The following NEK10 variants were observed in gnomAD, a reference collection of about 807,000 sequenced individuals.
NEK10 encodes serine/threonine-protein kinase Nek10.
A neutral mutation model predicts 159.8 loss-of-function variants in NEK10; 122 were observed. The ratio of observed to expected loss-of-function variants is 0.76; its 90% CI spans 0.66 to 0.89. The LOEUF is 0.89. Among genes scored for constraint, NEK10 ranks in the 40% least tolerant of loss-of-function variants. The pLI is 0.00. For synonymous variants in NEK10, 466 were observed against 457.1 expected (o/e 1.02, Z -0.25); for missense variants, 1,342 against 1,323.1 (o/e 1.01, Z -0.22).
chr3:27,359,087 A>T (rs1409699968), intron 1 of NEK10, among the ~76,000 whole-genome samples: 1 of 151,952 alleles, frequency 6.6e-6, no homozygotes, highest in Non-Finnish European at 1.5e-5. Flanking sequence ...CTGTAGTCCC[A>T]GTTACTCAGG....
At chr3:27,246,180 T>C (rs1187083717) in intron 23 of NEK10, among the ~76,000 whole-genome samples, 1 of 152,150 alleles carries the variant, frequency 6.6e-6, no homozygotes, top group Non-Finnish European at 1.5e-5. Flanking sequence ...GACTGAAAAA[T>C]GCATAATGTA....
intron 5 of NEK10, among the ~76,000 whole-genome samples, chr3:27,324,942 C>T (rs1262875735): frequency 6.6e-6 from 1 of 152,198 alleles, no homozygotes; most frequent in Non-Finnish European, 1.5e-5. Flanking sequence ...AGGTCCAGTG[C>T]CTAAGGTGCT....
intron 22 of NEK10, among the ~76,000 whole-genome samples, chr3:27,272,994 C>T (rs573412677): frequency 2.0e-5 from 3 of 152,168 alleles, no homozygotes; most frequent in Admixed American, 1.3e-4. Flanking sequence ...AGGAAAACAG[C>T]TGATTGGGAA....
chr3:27,346,267 TAAAG>T (rs2047549286), intron 3 of NEK10, 51 bp from the exon 4 acceptor site: 1 of 1,592,306 alleles, frequency 6.3e-7, no homozygotes, highest in East Asian at 2.2e-5. Flanking sequence ...CAGCACGGGA[TAAAG>T]AAAGTAACAA....
At chr3:27,244,922 G>C (rs980661743) in intron 23 of NEK10, among the ~76,000 whole-genome samples, 1 of 152,096 alleles carries the variant, frequency 6.6e-6, no homozygotes, top group African/African-American at 2.4e-5. Context: ...GGACCATCTA[G>C]CCAACTTTTC....
At chr3:27,197,427 C>T (rs1949656528) in intron 25 of NEK10, among the ~76,000 whole-genome samples, 1 of 152,138 alleles carries the variant, frequency 6.6e-6, no homozygotes. Flanking sequence ...CTGCCTGCCT[C>T]AGCCTCCCAA....
intron 23 of NEK10, among the ~76,000 whole-genome samples, chr3:27,229,431 A>G (rs2120891): frequency 0.23 from 35,329 of 152,096 alleles, 4,473 homozygotes; most frequent in Middle Eastern, 0.38. Flanking sequence ...AAGGAACCAG[A>G]AAAGTAATTC....
chr3:27,135,189 T>G (rs1943061322), intron 31 of NEK10, among the ~76,000 whole-genome samples: 1 of 152,106 alleles, frequency 6.6e-6, no homozygotes, highest in African/African-American at 2.4e-5. Context: ...GAGGCAAAGG[T>G]GGGAGGACCG....
intron 26 of NEK10, among the ~76,000 whole-genome samples, chr3:27,175,068 T>C (rs1253000144): frequency 2.0e-5 from 3 of 151,970 alleles, no homozygotes; most frequent in South Asian, 2.1e-4. Context: ...GTGGCAAGAG[T>C]GTTCAGTAGA....
intron 23 of NEK10, among the ~76,000 whole-genome samples, chr3:27,227,936 A>G (rs930861072): frequency 3.9e-5 from 6 of 152,222 alleles, no homozygotes; most frequent in Admixed American, 3.9e-4. Flanking sequence ...TCCAAGTTAA[A>G]GCAGATCTTG....
intron 22 of NEK10, among the ~76,000 whole-genome samples, chr3:27,257,788 CTTTTTTT>C (rs79727702): frequency 3.8e-5 from 5 of 130,536 alleles, no homozygotes; most frequent in African/African-American, 5.9e-5. Flanking sequence ...TTTCTTTTTT[CTTTTTTT>C]TTTTTTTTTT....
chr3:27,292,554 C>T (rs945104307), intron 16 of NEK10, among the ~76,000 whole-genome samples: 1 of 152,078 alleles, frequency 6.6e-6, no homozygotes, highest in Non-Finnish European at 1.5e-5. Flanking sequence ...GAATAAGTAG[C>T]TGGGTGTGGT....
rs1364515902 is a variant in NEK10 at position 27,110,297 on chromosome 3, T to C, written c.*975A>G. On this transcript the variant is annotated 3_prime_UTR_variant, in exon 36 of 36. Coordinates refer to ENST00000691995, the MANE Select transcript of NEK10 (RefSeq NM_001394966.1). ...ATAATTCTCCCGGCATAAAGGATGA[T>C]ACACAGTTTGGCATTCTGATTTCAC... 1 of 152,168 alleles carries C rather than the reference T, an allele frequency of 6.6e-6. No homozygotes were observed. Among genetic ancestry groups the C allele is most frequent in the Non-Finnish European group, 1.5e-5 (1 of 68,028 alleles). 9.4% of individuals were successfully genotyped at this position (152,168 alleles called of 1,614,324 possible).
rs1052991938 is a variant in NEK10, at chr3:27,208,564, C to G, written c.2091-6007G>C. 2.6e-5 allele frequency among the ~76,000 whole-genome samples: 4 copies of G among 152,046 alleles called. No individual in the cohort carries two copies. The East Asian group carries it at 7.7e-4, about 29-fold the overall frequency. ...CAGGGAAATGAGAAGATGAAAGCCACAGGACTTCAGAATTGATTGGATGTG... is the reference window on the plus strand; with the variant it reads ...CAGGGAAATGAGAAGATGAAAGCCAGAGGACTTCAGAATTGATTGGATGTG... On this transcript the variant is annotated intron_variant, in intron 23 of 35. Coordinates refer to ENST00000691995, the MANE Select transcript of NEK10 (RefSeq NM_001394966.1).
intron 32 of NEK10, 68 bp from the exon 33 acceptor site, chr3:27,119,936 T>A: frequency 8.3e-7 from 1 of 1,202,830 alleles, no homozygotes; most frequent in Non-Finnish European, 1.2e-6. Flanking sequence ...GACCTCTGTG[T>A]GGGGTTTTTC....
rs1408722131 is a variant in NEK10 at position 27,341,536 on chromosome 3, C to T, written c.362+2736G>A. Among the ~76,000 whole-genome samples the T allele has an allele frequency of 1.9e-4, 29 of 151,946 alleles. 1 individual carries two copies. The highest frequency in any genetic ancestry group is 1.8e-3 in the Admixed American group (28 of 15,244). On this transcript the variant is annotated intron_variant, in intron 5 of 35. Coordinates refer to ENST00000691995, the MANE Select transcript of NEK10 (RefSeq NM_001394966.1). Reference sequence around the variant, plus strand: ...AAAGGATTTTTTTAAAGATTAGTTACCATTGTGTAACTAGCAGTAACCCCA... The same window carrying T: ...AAAGGATTTTTTTAAAGATTAGTTATCATTGTGTAACTAGCAGTAACCCCA...
intron 22 of NEK10, among the ~76,000 whole-genome samples, chr3:27,269,582 C>T (rs1409974000): frequency 6.6e-6 from 1 of 152,140 alleles, no homozygotes; most frequent in Non-Finnish European, 1.5e-5. Flanking sequence ...ATAATACACA[C>T]AAATAGACTA....
At chr3:27,279,689 G>A (rs2042010965) in intron 22 of NEK10, among the ~76,000 whole-genome samples, 1 of 152,114 alleles carries the variant, frequency 6.6e-6, no homozygotes, top group African/African-American at 2.4e-5. Flanking sequence ...AATAATGGGA[G>A]TACATGAATG....
intron 23 of NEK10, among the ~76,000 whole-genome samples, chr3:27,207,990 T>C (rs1242124159): frequency 6.6e-6 from 1 of 152,132 alleles, no homozygotes; most frequent in African/African-American, 2.4e-5. Flanking sequence ...CATGTAGCAA[T>C]ATAGGATGAA....
Sources: allele counts gnomAD v4.1 joint callset (sites outside exome capture counted in the v4.1 genomes callset), GRCh38; gene constraint gnomAD v4.1.1; transcripts MANE v1.5; gene names NCBI Gene and HGNC (gene_info 2026-07-23, HGNC 2026-07-21).